The following RRP12 variants were observed in gnomAD, a reference collection of about 807,000 sequenced individuals.
RRP12 encodes the protein ribosomal RNA processing 12 homolog.
RRP12 carries 78 observed loss-of-function variants against 157.3 expected under a neutral mutation model. The observed-to-expected ratio is 0.50, with a 90% CI of 0.41 to 0.60. The LOEUF (loss-of-function observed/expected upper bound fraction) is 0.60. Ranked by LOEUF, RRP12 falls within the 20% of genes least tolerant of loss-of-function variation. The probability of loss-of-function intolerance (pLI) is 0.00; values close to 1 mark genes in which losing one functional copy is unlikely to be tolerated. For synonymous variants in RRP12, 726 were observed against 670.9 expected, an observed-to-expected ratio of 1.08 and a Z score of -1.27; for missense variants, 1,521 against 1,679.9, an observed-to-expected ratio of 0.91 and a Z score of 1.65.
At chr10:97,359,111 G>A (rs771521314) in intron 31 of RRP12, 101 bp from the exon 32 acceptor site, 3 of 828,748 alleles carry the variant, frequency 3.6e-6, no homozygotes, top group African/African-American at 1.7e-5. Flanking sequence ...GGGAGCAGAT[G>A]AGTGAAGGCC....
At chr10:97,378,564 T>A (rs946807698) in intron 15 of RRP12, among the ~76,000 whole-genome samples, 6 of 152,130 alleles carry the variant, frequency 3.9e-5, no homozygotes, top group Non-Finnish European at 7.3e-5. Flanking sequence ...CTCATATATA[T>A]AAATACACCT....
intron 29 of RRP12, among the ~76,000 whole-genome samples, 176 bp from the exon 30 acceptor site, chr10:97,364,079 G>C (rs974007429): frequency 2.0e-5 from 3 of 152,096 alleles, no homozygotes; most frequent in Non-Finnish European, 4.4e-5. Context: ...CCTGAGCACT[G>C]CCCCTTTCTC....
chr10:97,375,874 C>A (rs990435478), intron 15 of RRP12, among the ~76,000 whole-genome samples: 14 of 152,132 alleles, frequency 9.2e-5, no homozygotes, highest in Non-Finnish European at 8.8e-5. Flanking sequence ...GAGGCCAAGG[C>A]GGGTGGATCA....
At position 97,370,089 on chromosome 10, in the gene RRP12, G is replaced by A; in HGVS notation, c.2797+78C>T. On this transcript the variant is annotated intron_variant, in intron 24 of 33. Transcript: ENST00000370992. Reference sequence around the variant, plus strand: ...CTCCAGGCACCTTTTCCCAGTTCCAGGAGCCACTTTATCCTGACCTTTTGG... The same window carrying A: ...CTCCAGGCACCTTTTCCCAGTTCCAAGAGCCACTTTATCCTGACCTTTTGG... 3.0e-6 allele frequency: 3 copies of A among 1,013,482 alleles called. No individual in the cohort carries two copies. In the South Asian group the frequency reaches 4.6e-5, roughly 15 times the overall value. 62.8% of individuals were successfully genotyped at this position (1,013,482 alleles called of 1,614,324 possible). A position where few individuals can be genotyped will look rare whatever the true frequency, so the allele number is the denominator to read the frequency against.
Position 97,370,608 on chromosome 10 carries a change from G to A in RRP12, c.2584-48C>T, listed in dbSNP as rs374037595. ...CATCTGCTCCCTGAGCCATCTGCCC[G>A]GGAAGCGAATCGAGTCCTCCCACTC... On this transcript the variant is annotated intron_variant, in intron 22 of 33. Coordinates refer to ENST00000370992, the MANE Select transcript of RRP12 (RefSeq NM_015179.4). 31 of 1,587,144 alleles carry A rather than the reference G, an allele frequency of 2.0e-5. No individual in the cohort carries two copies. In the Middle Eastern group the frequency reaches 1.2e-3, roughly 59 times the overall value.
rs745695069 is a variant in RRP12, at chr10:97,401,094, T to C, written c.138A>G (p.Ser46=). 1.2e-6 allele frequency: 2 copies of C among 1,613,136 alleles called. No individual in the cohort carries two copies. Among genetic ancestry groups the C allele is most frequent in the South Asian group, 1.1e-5 (1 of 91,008 alleles). ...AARSRFFSRP[S]GRSDLTVDAV... ...GCGCTCGGGTCTCAACCCAGCTACC[T>C]GACGGCCGGCTGAAGAAGCGGCTGC... The change falls in exon 1 of 34, where the codon TCA becomes TCG. Residue 46 remains serine, a splice_region_variant and synonymous_variant. Coordinates refer to ENST00000370992, the MANE Select transcript of RRP12 (RefSeq NM_015179.4).
intron 28 of RRP12, 62 bp downstream of exon 28, chr10:97,366,384 C>T (rs1012646352): frequency 4.5e-6 from 7 of 1,560,274 alleles, no homozygotes; most frequent in African/African-American, 2.7e-5. Flanking sequence ...CTACCCACCA[C>T]CTGAGAACCT....
In RRP12 at chr10:97,366,453, T is replaced by G; in HGVS notation, c.3384A>C (p.Arg1128=). 1.2e-6 allele frequency: 2 copies of G among 1,611,208 alleles called. No homozygotes were observed. The highest frequency in any genetic ancestry group is 1.7e-6 in the Non-Finnish European group (2 of 1,178,590). ...LNFLDPKVAQ[R]VLATQPGPGR... ...GGCCAGCCCTGTGCTTACCCAGGAC[T>G]CGTTGGGCCACCTTGGGATCCAGGA... Residue 1128 remains arginine, a synonymous_variant, in exon 28 of 34, where the codon CGA becomes CGC. Coordinates refer to ENST00000370992, the MANE Select transcript of RRP12 (RefSeq NM_015179.4).
At chr10:97,368,030 C>CTTTTTTT (rs34307529) in intron 25 of RRP12, among the ~76,000 whole-genome samples, 1 of 119,216 alleles carries the variant, frequency 8.4e-6, no homozygotes, top group African/African-American at 3.4e-5. Flanking sequence ...CTGTGCCTGG[C>CTTTTTTT]TTTTTTTTTT....
At chr10:97,374,440 G>T (rs1243918136) in intron 15 of RRP12, among the ~76,000 whole-genome samples, 1 of 151,850 alleles carries the variant, frequency 6.6e-6, no homozygotes, top group South Asian at 2.1e-4. Flanking sequence ...GGGATTACAG[G>T]TGTGCAACAC....
At position 97,366,534 on chromosome 10, in the gene RRP12, T is replaced by C. The variant is rs1204834268; in HGVS notation, c.3303A>G (p.Ala1101=). 6.2e-7 allele frequency: 1 copy of C among 1,614,174 alleles called. No homozygotes were observed. Among genetic ancestry groups the C allele is most frequent in the Admixed American group, 1.7e-5 (1 of 60,026 alleles). The change falls in exon 28 of 34, where the codon GCA becomes GCG. Residue 1101 remains alanine, a synonymous_variant. Coordinates refer to ENST00000370992, the MANE Select transcript of RRP12 (RefSeq NM_015179.4). ...TCAGCCATGCCCGGCTCCTCTGTCG[T>C]GCCAGCTTCCGCTGCTCCTTGCCTC... is the stretch of plus-strand genomic sequence containing the variant. ...RSRGKEQRKL[A]RQRSRAWLKE...
At chr10:97,361,877 G>A (rs988804819) in intron 30 of RRP12, among the ~76,000 whole-genome samples, 1 of 152,184 alleles carries the variant, frequency 6.6e-6, no homozygotes, top group African/African-American at 2.4e-5. Context: ...GGGAGGCTGA[G>A]GTGGGTGGAT....
At position 97,401,285 on chromosome 10, in the gene RRP12, A is replaced by G. The variant is rs1845141935; in HGVS notation, c.-54T>C. 1 of 1,609,594 alleles carries G rather than the reference A, an allele frequency of 6.2e-7. No individual in the cohort carries two copies. Among genetic ancestry groups the G allele is most frequent in the East Asian group, 2.2e-5 (1 of 44,812 alleles). On this transcript the variant is annotated 5_prime_UTR_variant, in exon 1 of 34. Transcript: ENST00000370992. Reference sequence around the variant, plus strand: ...TTAAATGACCGGCTTCCAGGGACGTAGAAACACGCTCAGAACCCACGTGGA... The same window carrying G: ...TTAAATGACCGGCTTCCAGGGACGTGGAAACACGCTCAGAACCCACGTGGA...
intron 3 of RRP12, among the ~76,000 whole-genome samples, chr10:97,394,090 C>T (rs1844887573): frequency 6.6e-6 from 1 of 152,194 alleles, no homozygotes; most frequent in Non-Finnish European, 1.5e-5. Flanking sequence ...CGCCTGTAAT[C>T]CCAGCACTTT....
intron 29 of RRP12, among the ~76,000 whole-genome samples, chr10:97,364,956 G>C (rs948562174): frequency 6.6e-6 from 1 of 152,186 alleles, no homozygotes; most frequent in Non-Finnish European, 1.5e-5. Flanking sequence ...AGGGGCGAGA[G>C]AGGAGCAGAG....
In RRP12 at chr10:97,381,802, G is replaced by A; in HGVS notation, c.1233C>T (p.Gly411=). 1 of 1,614,072 alleles carries A rather than the reference G, an allele frequency of 6.2e-7. No homozygotes were observed. The highest frequency in any genetic ancestry group is 8.5e-7 in the Non-Finnish European group (1 of 1,179,974). The change falls in exon 11 of 34, where the codon GGC becomes GGT. Residue 411 remains glycine, a synonymous_variant. Coordinates refer to ENST00000370992, the MANE Select transcript of RRP12 (RefSeq NM_015179.4). The part of the protein sequence containing the change: ...LVRLQWDLGL[G]HLPRFFGTAV... ...CAGTTCCAAAAAAGCGAGGGAGGTG[G>A]CCTAGCCCCAGGTCCCACTGCAACC...
Position 97,381,477 on chromosome 10 carries a change from G to A in RRP12, c.1327C>T (p.Leu443=), listed in dbSNP as rs1844465719. ...TAATQSLKEI[L]KECVAPHMAD... ...ATGTGGGGAGCCACGCATTCCTTCA[G>A]GATCTCCTGCGAAGAGAGGCCACAG... The change falls in exon 12 of 34, where the codon CTG becomes TTG. Residue 443 remains leucine (L), a synonymous_variant. Coordinates refer to ENST00000370992, the MANE Select transcript of RRP12 (RefSeq NM_015179.4). 1 of 1,610,934 alleles carries A rather than the reference G, an allele frequency of 6.2e-7. No individual in the cohort carries two copies. The highest frequency in any genetic ancestry group is 1.3e-5 in the African/African-American group (1 of 74,930).
intron 10 of RRP12, among the ~76,000 whole-genome samples, chr10:97,383,251 G>C (rs1304715911): frequency 6.6e-6 from 1 of 152,196 alleles, no homozygotes. Context: ...TGAATGGGGT[G>C]ATTTTGCCAT....
intron 24 of RRP12, 37 bp from the exon 25 acceptor site, chr10:97,369,619 G>C: frequency 6.5e-7 from 1 of 1,543,604 alleles, no homozygotes; most frequent in Non-Finnish European, 8.8e-7. Flanking sequence ...AAGACACCCA[G>C]GACCCCACTC....
Sources: allele counts gnomAD v4.1 joint callset (sites outside exome capture counted in the v4.1 genomes callset), GRCh38; gene constraint gnomAD v4.1.1; transcripts MANE v1.5; gene names NCBI Gene and HGNC (gene_info 2026-07-23, HGNC 2026-07-21).